The following NHSL2 variants were observed in gnomAD, a reference collection of about 807,000 sequenced individuals.
NHSL2 encodes NHS like 2, also known as NHS-like protein 2.
Under a neutral mutation model 53.4 loss-of-function variants are expected in NHSL2, and 27 were observed. The ratio of observed to expected loss-of-function variants is 0.51; its 90% CI spans 0.37 to 0.70. The LOEUF (loss-of-function observed/expected upper bound fraction) is 0.70, where lower values mean the gene tolerates loss of function less well. Among genes scored for constraint, NHSL2 ranks in the 30% least tolerant of loss-of-function variants. NHSL2 has a pLI of 0.00. For synonymous variants in NHSL2, 408 were observed against 404.1 expected, an observed-to-expected ratio of 1.01 and a Z score of -0.12; for missense variants, 892 against 980.1, an observed-to-expected ratio of 0.91 and a Z score of 1.20.
chrX:71,983,636 G>GA (rs1263651903), intron 1 of NHSL2, among the ~76,000 whole-genome samples: 1 of 109,473 alleles, frequency 9.1e-6, no homozygotes, highest in Admixed American at 9.7e-5. Flanking sequence ...ACTGTTAAAG[G>GA]AAAAAAAAGG....
At position 72,065,205 on chromosome X, in the gene NHSL2, G is replaced by T. The variant is rs952354311; in HGVS notation, c.281-66874G>T. 4.5e-5 allele frequency among the ~76,000 whole-genome samples: 5 copies of T among 111,934 alleles called. No homozygotes were observed. The Admixed American group carries it at 4.7e-4, about 11-fold the overall frequency. ...GAGGGCTGGGAGGAAGGAGAGGAAG[G>T]AAGGTCTGCATGAGCAGGGTAGCTT... On this transcript the variant is annotated intron_variant, in intron 1 of 7. Transcript: ENST00000633930.
At chrX:71,997,644 C>T (rs1372266981) in intron 1 of NHSL2, among the ~76,000 whole-genome samples, 2 of 112,233 alleles carry the variant, frequency 1.8e-5, no homozygotes, top group Non-Finnish European at 3.8e-5. Context: ...CACTGCTGTG[C>T]GATCTTGGGT....
At chrX:72,075,559 C>T (rs2041734019) in intron 1 of NHSL2, among the ~76,000 whole-genome samples, 1 of 112,069 alleles carries the variant, frequency 8.9e-6, no homozygotes, top group Non-Finnish European at 1.9e-5. Flanking sequence ...TTCTCTTCCT[C>T]TAAAATGCTT....
chrX:72,130,823 C>A (rs2042285006), intron 1 of NHSL2: 1 of 1,211,475 alleles, frequency 8.3e-7, no homozygotes, highest in East Asian at 3.0e-5. Context: ...TTGCGAATGG[C>A]CTTTTTAGCC....
intron 1 of NHSL2, among the ~76,000 whole-genome samples, chrX:71,961,211 A>T (rs758027368): frequency 9.0e-6 from 1 of 111,477 alleles, no homozygotes; most frequent in East Asian, 2.8e-4. Flanking sequence ...AGTACAACTG[A>T]TTTTAACATA....
chrX:71,991,954 A>C (rs914374187), intron 1 of NHSL2, among the ~76,000 whole-genome samples: 2 of 112,621 alleles, frequency 1.8e-5, no homozygotes, highest in African/African-American at 3.2e-5. Context: ...GTTCCTTTGC[A>C]TTAGCCAGGC....
intron 1 of NHSL2, among the ~76,000 whole-genome samples, chrX:71,981,115 T>C (rs918519243): frequency 8.9e-6 from 1 of 112,207 alleles, no homozygotes; most frequent in African/African-American, 3.2e-5. Flanking sequence ...AATCAGGCAA[T>C]GGTTTCTTAG....
chrX:71,995,412 G>A (rs1042795905), intron 1 of NHSL2, among the ~76,000 whole-genome samples: 2 of 66,988 alleles, frequency 3.0e-5, no homozygotes, highest in Non-Finnish European at 7.8e-5. Context: ...TCCTTACAAT[G>A]GCCCACAGGC....
At chrX:72,092,089 A>G (rs1446023427) in intron 1 of NHSL2, among the ~76,000 whole-genome samples, 4 of 112,045 alleles carry the variant, frequency 3.6e-5, no homozygotes, top group African/African-American at 9.7e-5. Context: ...TCTTCATAGT[A>G]TGAGTTTCCA....
intron 1 of NHSL2, among the ~76,000 whole-genome samples, chrX:71,964,021 A>ATGTGTG (rs1319369630): frequency 1.4e-4 from 1 of 7,085 alleles, no homozygotes; most frequent in African/African-American, 2.5e-4. Flanking sequence ...GTATATATAT[A>ATGTGTG]TATGTGTATA....
intron 1 of NHSL2, among the ~76,000 whole-genome samples, chrX:72,059,587 C>A (rs2042388572): frequency 8.9e-6 from 1 of 111,955 alleles, no homozygotes; most frequent in Non-Finnish European, 1.9e-5. Flanking sequence ...ATTTTACTGG[C>A]AAATGTTGCT....
At position 72,062,576 on chromosome X, in the gene NHSL2, C is replaced by T. The variant is rs139046540; in HGVS notation, c.281-69503C>T. On this transcript the variant is annotated intron_variant, in intron 1 of 7. Coordinates refer to ENST00000633930, the MANE Select transcript of NHSL2 (RefSeq NM_001013627.3). The stretch of plus-strand genomic sequence containing the variant: ...GGGTTGGGGGTGGCCAGCATGCATG[C>T]TCCAGGTCTCCACCACACCCTGTGG... Among the ~76,000 whole-genome samples the T allele has an allele frequency of 2.1e-3, 239 of 112,073 alleles. 1 individual carries two copies. The highest frequency in any genetic ancestry group is 2.2e-3 in the Non-Finnish European group (118 of 53,148).
At chrX:72,054,154 C>T (rs932864001) in intron 1 of NHSL2, among the ~76,000 whole-genome samples, 2 of 111,732 alleles carry the variant, frequency 1.8e-5, no homozygotes, top group African/African-American at 6.5e-5. Context: ...GATGCTGCAA[C>T]GCTTTCTCTG....
At chrX:71,934,142 C>G (rs2041726693) in intron 1 of NHSL2, among the ~76,000 whole-genome samples, 1 of 111,916 alleles carries the variant, frequency 8.9e-6, no homozygotes, top group African/African-American at 3.3e-5. Context: ...AAAGTCCTGT[C>G]CTCTATCCTC....
chrX:71,988,100 G>T (rs2042010812), intron 1 of NHSL2, among the ~76,000 whole-genome samples: 1 of 112,110 alleles, frequency 8.9e-6, no homozygotes, highest in African/African-American at 3.2e-5. Context: ...ATAAGAAATG[G>T]AAAAGAGAGA....
At chrX:72,023,371 T>C (rs966299218) in intron 1 of NHSL2, among the ~76,000 whole-genome samples, 4 of 112,089 alleles carry the variant, frequency 3.6e-5, no homozygotes, top group Non-Finnish European at 5.6e-5. Flanking sequence ...TGGGGAGAAA[T>C]GGGAGAAGGA....
intron 1 of NHSL2, among the ~76,000 whole-genome samples, chrX:71,969,272 T>TA (rs925917739): frequency 9.0e-6 from 1 of 111,086 alleles, no homozygotes; most frequent in African/African-American, 3.3e-5. Context: ...CCTTTTTTTT[T>TA]ATGCTTTTGT....
Position 72,129,925 on chromosome X carries a change from C to A in NHSL2, c.281-2154C>A, listed in dbSNP as rs760495609. 4.6e-5 allele frequency: 56 copies of A among 1,209,216 alleles called. No homozygotes were observed. In the East Asian group the frequency reaches 1.6e-3, roughly 34 times the overall value. ...GGGGCGTCTTCGAACTTGGCGTTGTCCTAAACGACCTGTGCGGCGAATCAG... is the reference window on the plus strand; with the variant it reads ...GGGGCGTCTTCGAACTTGGCGTTGTACTAAACGACCTGTGCGGCGAATCAG... On this transcript the variant is annotated intron_variant, in intron 1 of 7. Transcript: ENST00000633930.
chrX:72,093,481 G>A (rs938188388), intron 1 of NHSL2, among the ~76,000 whole-genome samples: 1 of 112,367 alleles, frequency 8.9e-6, no homozygotes, highest in African/African-American at 3.2e-5. Context: ...GCCTTGTGCT[G>A]TGAGCAACAT....
Sources: gnomAD v4.1 joint callset for allele counts (sites outside exome capture counted in the v4.1 genomes callset) on GRCh38, gnomAD v4.1.1 for gene constraint, MANE v1.5 for transcripts, NCBI Gene and HGNC (gene_info 2026-07-23, HGNC 2026-07-21) for gene names.